Variants in ABI3BP observed in about 807,000 individuals in gnomAD.
The protein encoded by ABI3BP is ABI family member 3 binding protein, also known as target of Nesh-SH3.
ABI3BP carries 216 observed loss-of-function variants against 268.6 expected under a neutral mutation model. That is an observed-to-expected ratio of 0.80 (90% CI 0.72 to 0.90). ABI3BP has a LOEUF of 0.90. ABI3BP is among the 40% of genes least tolerant of loss of function. The probability of loss-of-function intolerance (pLI) is 0.00; values close to 1 mark genes in which losing one functional copy is unlikely to be tolerated. For missense variants in ABI3BP, 2,090 were observed against 2,182.4 expected, an observed-to-expected ratio of 0.96 and a Z score of 0.84; for synonymous variants, 730 against 730.0, an observed-to-expected ratio of 1.00 and a Z score of 0.00.
intron 64 of ABI3BP, 93 bp from the exon 65 acceptor site, chr3:100,753,941 A>C: frequency 7.7e-7 from 1 of 1,300,188 alleles, no homozygotes; most frequent in Non-Finnish European, 1.1e-6. Context: ...TACACTTGTT[A>C]AGAAGTCTTA....
Position 100,886,275 on chromosome 3 carries a change from A to G in ABI3BP, c.510T>C (p.Ile170=). 3 of 1,609,052 alleles carry G rather than the reference A, an allele frequency of 1.9e-6. No individual in the cohort carries two copies. Among genetic ancestry groups the G allele is most frequent in the Non-Finnish European group, 1.7e-6 (2 of 1,177,368 alleles). ...TTTCAGTGGCTGGACAGATTTGAAA[A>G]ATCCACTTCTTTTCTTTATCCTTTT... ...YREKDKEKKW[I]FQICPATETI... The change falls in exon 5 of 68, where the codon ATT becomes ATC. Residue 170 remains isoleucine (I), a synonymous_variant. Coordinates refer to ENST00000471714, the MANE Select transcript of ABI3BP (RefSeq NM_001375547.2).
chr3:100,964,194 C>T (rs1021401304), intron 1 of ABI3BP, among the ~76,000 whole-genome samples: 18 of 152,046 alleles, frequency 1.2e-4, no homozygotes, highest in Admixed American at 1.2e-3. Flanking sequence ...TTCAAGATGG[C>T]GGCTCCATCT....
rs1484080660 is a variant in ABI3BP at position 100,754,781 on chromosome 3, G to A, written c.4851-90C>T. The A allele has an allele frequency of 5.8e-6, 6 of 1,029,304 alleles. No individual in the cohort carries two copies. In the East Asian group the frequency reaches 1.3e-4, roughly 22 times the overall value. The allele number at this position is 1,029,304 out of a possible 1,614,324, so 63.8% of individuals were successfully genotyped here. A position where few individuals can be genotyped will look rare whatever the true frequency, so the allele number is the denominator to read the frequency against. Reference sequence around the variant, plus strand: ...CTATTATACGGACATCCACTATACTGACATCCCTTTGAAATTATGACAGTG... The same window carrying A: ...CTATTATACGGACATCCACTATACTAACATCCCTTTGAAATTATGACAGTG... On this transcript the variant is annotated intron_variant, in intron 63 of 67. Coordinates refer to ENST00000471714, the MANE Select transcript of ABI3BP (RefSeq NM_001375547.2).
chr3:100,984,775 A>G (rs1434923915), intron 1 of ABI3BP, among the ~76,000 whole-genome samples: 1 of 152,162 alleles, frequency 6.6e-6, no homozygotes, highest in East Asian at 1.9e-4. Flanking sequence ...GTAGTCTGAG[A>G]ACCTTGAAGC....
At chr3:100,895,354 T>A (rs182922286) in intron 4 of ABI3BP, among the ~76,000 whole-genome samples, 14 of 152,048 alleles carry the variant, frequency 9.2e-5, no homozygotes, top group Admixed American at 2.0e-4. Context: ...TACAGAAACA[T>A]GCGCCACAAA....
At chr3:100,830,510 A>G in intron 32 of ABI3BP, 68 bp downstream of exon 32, 4 of 1,337,204 alleles carry the variant, frequency 3.0e-6, no homozygotes, top group Non-Finnish European at 3.1e-6. Flanking sequence ...AGCTGTGGTT[A>G]TGATGGTGAT....
At chr3:100,924,840 G>C (rs2061350844) in intron 2 of ABI3BP, among the ~76,000 whole-genome samples, 1 of 151,982 alleles carries the variant, frequency 6.6e-6, no homozygotes. Flanking sequence ...GCTTACAATT[G>C]ACCCAAATTT....
chr3:100,969,585 G>A (rs2082681432), intron 1 of ABI3BP, among the ~76,000 whole-genome samples: 1 of 152,128 alleles, frequency 6.6e-6, no homozygotes, highest in Non-Finnish European at 1.5e-5. Context: ...CCAAAAGTGT[G>A]CATTTGAAAA....
chr3:100,903,079 C>G (rs555054599), intron 2 of ABI3BP, among the ~76,000 whole-genome samples: 2 of 152,314 alleles, frequency 1.3e-5, no homozygotes, highest in South Asian at 4.1e-4. Context: ...ATTCTACTTG[C>G]ACAAGACACC....
At chr3:100,771,331 T>A (rs1470468591) in intron 61 of ABI3BP, among the ~76,000 whole-genome samples, 1 of 151,676 alleles carries the variant, frequency 6.6e-6, no homozygotes, top group Non-Finnish European at 1.5e-5. Flanking sequence ...CTCAAAAGAA[T>A]CAAGTAGCTT....
intron 7 of ABI3BP, among the ~76,000 whole-genome samples, chr3:100,876,280 G>A (rs903401055): frequency 6.6e-6 from 1 of 152,138 alleles, no homozygotes; most frequent in Non-Finnish European, 1.5e-5. Flanking sequence ...TGTGATGGTT[G>A]CTTTGTCCTT....
chr3:100,935,395 T>C (rs1171829548), intron 1 of ABI3BP, among the ~76,000 whole-genome samples: 1 of 152,190 alleles, frequency 6.6e-6, no homozygotes, highest in Non-Finnish European at 1.5e-5. Context: ...TTAGTATAGT[T>C]TGAAGTCAGG....
At chr3:100,779,603 G>T (rs1365264434) in intron 58 of ABI3BP, among the ~76,000 whole-genome samples, 1 of 142,140 alleles carries the variant, frequency 7.0e-6, no homozygotes, top group African/African-American at 2.6e-5. Context: ...GTAAGAGAAA[G>T]ACTCTCTCTC....
chr3:100,855,707 T>C (rs1159886316), intron 14 of ABI3BP, among the ~76,000 whole-genome samples: 5 of 152,192 alleles, frequency 3.3e-5, no homozygotes, highest in African/African-American at 7.2e-5. Context: ...CTTCCTCTAC[T>C]ACACAAATAC....
chr3:100,979,664 G>C (rs2088215327), intron 1 of ABI3BP, among the ~76,000 whole-genome samples: 1 of 152,184 alleles, frequency 6.6e-6, no homozygotes, highest in Non-Finnish European at 1.5e-5. Context: ...ATCTGAGCCA[G>C]GGGTTATGAT....
intron 3 of ABI3BP, among the ~76,000 whole-genome samples, chr3:100,899,105 G>T (rs1394465861): frequency 6.6e-6 from 1 of 152,156 alleles, no homozygotes; most frequent in Non-Finnish European, 1.5e-5. Flanking sequence ...GTCTATGCAT[G>T]TGTGCATATG....
intron 1 of ABI3BP, among the ~76,000 whole-genome samples, chr3:100,983,457 A>G (rs988124466): frequency 6.6e-6 from 1 of 152,220 alleles, no homozygotes; most frequent in Non-Finnish European, 1.5e-5. Context: ...TTGCACTGAA[A>G]TCATGAGGTG....
chr3:100,964,221 C>A (rs2080351755), intron 1 of ABI3BP, among the ~76,000 whole-genome samples: 1 of 152,062 alleles, frequency 6.6e-6, no homozygotes, highest in Non-Finnish European at 1.5e-5. Context: ...TCTTTGTCAG[C>A]CACTTGTATG....
rs1186715475 is a variant in ABI3BP, at chr3:100,825,987, T to C, written c.2603-143A>G. 9 of 665,802 alleles carry C rather than the reference T, an allele frequency of 1.4e-5. No individual in the cohort carries two copies. In the East Asian group the frequency reaches 2.4e-4, roughly 18 times the overall value. 41.2% of individuals were successfully genotyped at this position (665,802 alleles called of 1,614,324 possible). A position where few individuals can be genotyped will look rare whatever the true frequency, so the allele number is the denominator to read the frequency against. ...AAGGGCATTAGGACTGAATTATATTTCCACCCCTCACCCCCAACATATCAA... is the reference window on the plus strand; with the variant it reads ...AAGGGCATTAGGACTGAATTATATTCCCACCCCTCACCCCCAACATATCAA... On this transcript the variant is annotated intron_variant, in intron 34 of 67. Transcript: ENST00000471714.
Sources: gnomAD v4.1 joint callset for allele counts (sites outside exome capture counted in the v4.1 genomes callset) on GRCh38, gnomAD v4.1.1 for gene constraint, MANE v1.5 for transcripts, NCBI Gene and HGNC (gene_info 2026-07-23, HGNC 2026-07-21) for gene names.